Variants in METAP2 observed in about 807,000 individuals in gnomAD.
METAP2 encodes the protein methionyl aminopeptidase 2.
A neutral mutation model predicts 59.4 loss-of-function variants in METAP2; 25 were observed. The ratio of observed to expected loss-of-function variants is 0.42; its 90% CI spans 0.31 to 0.59. The LOEUF is 0.59. METAP2 is among the 20% of genes least tolerant of loss of function. The pLI is 0.16. For synonymous variants in METAP2, 214 were observed against 194.1 expected (o/e 1.10, Z -0.85); for missense variants, 366 against 581.2 (o/e 0.63, Z 3.81).
chr12:95,508,960 G>C (rs535488514), intron 8 of METAP2, among the ~76,000 whole-genome samples: 1 of 152,234 alleles, frequency 6.6e-6, no homozygotes, highest in African/African-American at 2.4e-5. Context: ...TGATAATAGG[G>C]AGATGAAGAA....
At chr12:95,486,570 T>C (rs1412347878) in intron 4 of METAP2, among the ~76,000 whole-genome samples, 2 of 152,010 alleles carry the variant, frequency 1.3e-5, no homozygotes, top group African/African-American at 4.8e-5. Flanking sequence ...GGATCTCGGC[T>C]CACTGCAACC....
At chr12:95,489,861 T>C (rs891043697) in intron 4 of METAP2, among the ~76,000 whole-genome samples, 1 of 152,118 alleles carries the variant, frequency 6.6e-6, no homozygotes, top group Non-Finnish European at 1.5e-5. Context: ...AAAAAACTTC[T>C]TATTTTGAAA....
intron 6 of METAP2, 48 bp downstream of exon 6, chr12:95,495,186 A>T (rs1208512771): frequency 6.7e-7 from 1 of 1,490,708 alleles, no homozygotes; most frequent in African/African-American, 1.4e-5. Flanking sequence ...CTGAAAAACT[A>T]GTTTTTGTCT....
At chr12:95,501,408 T>A (rs1171451729) in intron 7 of METAP2, among the ~76,000 whole-genome samples, 1 of 152,212 alleles carries the variant, frequency 6.6e-6, no homozygotes, top group East Asian at 1.9e-4. Flanking sequence ...TTAATAATAA[T>A]ACTAGCTTTT....
intron 7 of METAP2, among the ~76,000 whole-genome samples, chr12:95,498,338 TA>T (rs2076290603): frequency 6.6e-6 from 1 of 152,196 alleles, no homozygotes; most frequent in Non-Finnish European, 1.5e-5. Flanking sequence ...TTCTGGATGT[TA>T]ATCCTGTATC....
chr12:95,512,651 G>A (rs2076411856), intron 9 of METAP2, 150 bp from the exon 10 acceptor site: 1 of 539,714 alleles, frequency 1.9e-6, no homozygotes, highest in Non-Finnish European at 3.3e-6. Flanking sequence ...AGTGGAGGTT[G>A]CAGTGAGCCA....
intron 4 of METAP2, among the ~76,000 whole-genome samples, chr12:95,489,716 T>C (rs1472269373): frequency 6.6e-6 from 1 of 152,230 alleles, no homozygotes; most frequent in East Asian, 1.9e-4. Flanking sequence ...CGCATGCCTG[T>C]AATCCCAGCT....
At chr12:95,495,876 G>A in intron 6 of METAP2, 128 bp from the exon 7 acceptor site, 1 of 624,814 alleles carries the variant, frequency 1.6e-6, no homozygotes. Flanking sequence ...GGTATTTGGA[G>A]TGCAGCCTTC....
chr12:95,509,395 G>C (rs1378194180), intron 8 of METAP2, among the ~76,000 whole-genome samples: 1 of 149,546 alleles, frequency 6.7e-6, no homozygotes, highest in Admixed American at 6.7e-5. Flanking sequence ...AAGGAAGACA[G>C]AGGTTTTTGA....
intron 8 of METAP2, among the ~76,000 whole-genome samples, chr12:95,508,848 C>G (rs1179833257): frequency 6.6e-6 from 1 of 152,120 alleles, no homozygotes; most frequent in African/African-American, 2.4e-5. Context: ...TTCATTATTT[C>G]AGTACCCCTC....
intron 2 of METAP2, among the ~76,000 whole-genome samples, chr12:95,480,719 A>G (rs2076152482): frequency 6.6e-6 from 1 of 152,122 alleles, no homozygotes; most frequent in African/African-American, 2.4e-5. Context: ...ATCCTATTGA[A>G]TTGTAATAGT....
chr12:95,477,048 T>C (rs1387135148), intron 2 of METAP2, among the ~76,000 whole-genome samples: 3 of 152,164 alleles, frequency 2.0e-5, no homozygotes, highest in Non-Finnish European at 2.9e-5. Context: ...ATGTGTAGAA[T>C]AGAGCCAGAA....
intron 4 of METAP2, among the ~76,000 whole-genome samples, chr12:95,493,176 A>G (rs971629440): frequency 6.6e-6 from 1 of 152,136 alleles, no homozygotes; most frequent in African/African-American, 2.4e-5. Context: ...TTATTCCCAG[A>G]TACTGAATAA....
intron 3 of METAP2, among the ~76,000 whole-genome samples, chr12:95,484,233 G>A (rs1191796069): frequency 6.6e-6 from 1 of 151,904 alleles, no homozygotes; most frequent in African/African-American, 2.4e-5. Flanking sequence ...TGGTCTCCAG[G>A]TGGAGGTGGA....
intron 4 of METAP2, 32 bp from the exon 5 acceptor site, chr12:95,494,024 A>G: frequency 6.3e-7 from 1 of 1,590,634 alleles, no homozygotes; most frequent in Non-Finnish European, 8.6e-7. Context: ...CTGCTGTTTT[A>G]TCACTAATAG....
At chr12:95,500,646 T>C (rs377362562) in intron 7 of METAP2, among the ~76,000 whole-genome samples, 1 of 152,232 alleles carries the variant, frequency 6.6e-6, no homozygotes, top group East Asian at 1.9e-4. Context: ...GACAGTCATA[T>C]GGTTATTTTT....
rs1555191428 is a variant in METAP2 at position 95,492,132 on chromosome 12, T to TGTGTGTGTGTG, written c.429-1924_429-1923insGTGTGTGTGTG. ...CTATCGTGTGTATGTATATGTGTGTTTGTGTGTGTGTGTGTGTGTGTGTAT... is the reference window on the plus strand; with the variant it reads ...CTATCGTGTGTATGTATATGTGTGTTGTGTGTGTGTGTGTGTGTGTGTGTGTGTGTGTGTAT... On this transcript the variant is annotated intron_variant, in intron 4 of 10. Coordinates refer to ENST00000323666, the MANE Select transcript of METAP2 (RefSeq NM_006838.4). Among the ~76,000 whole-genome samples the TGTGTGTGTGTG allele has an allele frequency of 6.0e-3, 901 of 149,406 alleles. 10 individuals carry two copies. Among genetic ancestry groups the TGTGTGTGTGTG allele is most frequent in the African/African-American group, 0.013 (517 of 40,410 alleles).
chr12:95,507,506 C>G (rs938581193), intron 8 of METAP2, among the ~76,000 whole-genome samples: 1 of 152,240 alleles, frequency 6.6e-6, no homozygotes, highest in African/African-American at 2.4e-5. Context: ...CCATCTTCTC[C>G]CTATTCTTAT....
Position 95,513,923 on chromosome 12 carries a change from T to A in METAP2, c.*19T>A. ...CTATTAAACTTAGTCCAAAGCCACC[T>A]CAACACCTTTATTTTCTGAGCTTTG... On this transcript the variant is annotated 3_prime_UTR_variant, in exon 11 of 11. Coordinates refer to ENST00000323666, the MANE Select transcript of METAP2 (RefSeq NM_006838.4). The A allele has an allele frequency of 6.3e-7, 1 of 1,590,170 alleles. No homozygotes were observed. Among genetic ancestry groups the A allele is most frequent in the South Asian group, 1.1e-5 (1 of 87,288 alleles).
Sources: allele counts gnomAD v4.1 joint callset (sites outside exome capture counted in the v4.1 genomes callset), GRCh38; gene constraint gnomAD v4.1.1; transcripts MANE v1.5; gene names NCBI Gene and HGNC (gene_info 2026-07-23, HGNC 2026-07-21).